The following RNLS variants were observed in gnomAD, a reference collection of about 807,000 sequenced individuals.
The protein encoded by RNLS is renalase.
RNLS carries 39 observed loss-of-function variants against 39.8 expected under a neutral mutation model. The observed-to-expected ratio is 0.98, with a 90% CI of 0.76 to 1.28. The LOEUF is 1.28. Among genes scored for constraint, RNLS ranks in the 50% most tolerant of loss-of-function variants. The pLI is 0.00. For missense variants in RNLS, 410 were observed against 413.3 expected, an observed-to-expected ratio of 0.99 and a Z score of 0.07; for synonymous variants, 147 against 150.7, an observed-to-expected ratio of 0.98 and a Z score of 0.18.
At chr10:88,320,593 A>G (rs760652181) in intron 5 of RNLS, among the ~76,000 whole-genome samples, 1 of 150,174 alleles carries the variant, frequency 6.7e-6, no homozygotes, top group Non-Finnish European at 1.5e-5. Flanking sequence ...AAACAACAGA[A>G]TGGAGAAAGA....
chr10:88,253,595 C>T, the RNLS span, among the ~76,000 whole-genome samples: 2 of 152,270 alleles, frequency 1.3e-5, no homozygotes, highest in South Asian at 4.1e-4. Context: ...TCACAATGTT[C>T]CCAATGCCTT....
At chr10:88,176,510 A>G in the RNLS span, among the ~76,000 whole-genome samples, 1 of 152,188 alleles carries the variant, frequency 6.6e-6, no homozygotes, top group South Asian at 2.1e-4. Flanking sequence ...ATTCATTTAC[A>G]TTCAAGGTTC....
chr10:88,308,177 G>T (rs1280288047), intron 6 of RNLS, among the ~76,000 whole-genome samples: 2 of 152,146 alleles, frequency 1.3e-5, no homozygotes, highest in African/African-American at 4.8e-5. Context: ...TAAACACCCT[G>T]GAAGACAACC....
At chr10:88,345,691 C>T (rs911152018) in intron 5 of RNLS, among the ~76,000 whole-genome samples, 1 of 152,120 alleles carries the variant, frequency 6.6e-6, no homozygotes, top group Non-Finnish European at 1.5e-5. Context: ...CTATCTCATT[C>T]AATCTTTATA....
intron 3 of RNLS, among the ~76,000 whole-genome samples, chr10:88,579,633 T>A (rs1350958675): frequency 6.6e-6 from 1 of 152,160 alleles, no homozygotes; most frequent in East Asian, 1.9e-4. Flanking sequence ...GGTATACTCA[T>A]CCAACCTGGG....
At chr10:88,568,608 G>A (rs1849652011) in intron 4 of RNLS, among the ~76,000 whole-genome samples, 1 of 152,110 alleles carries the variant, frequency 6.6e-6, no homozygotes. Flanking sequence ...AAGCAGGGAA[G>A]AGCATAAGAC....
chr10:88,299,574 A>G (rs1398640243), intron 6 of RNLS, among the ~76,000 whole-genome samples: 1 of 152,220 alleles, frequency 6.6e-6, no homozygotes, highest in Non-Finnish European at 1.5e-5. Context: ...GCAGTGAGCC[A>G]AGATTGTGCC....
At chr10:88,551,883 G>C (rs1348905532) in intron 4 of RNLS, among the ~76,000 whole-genome samples, 1 of 152,134 alleles carries the variant, frequency 6.6e-6, no homozygotes, top group South Asian at 2.1e-4. Context: ...ATAAGTTGGA[G>C]CTATTGTTAT....
intron 4 of RNLS, among the ~76,000 whole-genome samples, chr10:88,433,218 T>C (rs1169983596): frequency 6.6e-6 from 1 of 152,032 alleles, no homozygotes; most frequent in African/African-American, 2.4e-5. Context: ...TTCTGTGATG[T>C]CAGTGAATGC....
At chr10:88,266,179 ATGG>A in the RNLS span, among the ~76,000 whole-genome samples, 1 of 152,122 alleles carries the variant, frequency 6.6e-6, no homozygotes, top group African/African-American at 2.4e-5. Flanking sequence ...GGTCCTTAGG[ATGG>A]GCAGGCCAGT....
intron 6 of RNLS, among the ~76,000 whole-genome samples, chr10:88,286,936 G>T (rs1409909514): frequency 6.6e-6 from 1 of 151,674 alleles, no homozygotes; most frequent in African/African-American, 2.4e-5. Context: ...GACTGTAAGT[G>T]CACACCACCA....
At chr10:88,501,019 C>CTCTG (rs145887409) in intron 4 of RNLS, among the ~76,000 whole-genome samples, 1 of 150,006 alleles carries the variant, frequency 6.7e-6, no homozygotes, top group African/African-American at 2.4e-5. Flanking sequence ...ATATATATCT[C>CTCTG]TGTGTGTGTG....
the RNLS span, among the ~76,000 whole-genome samples, chr10:88,233,336 T>C: frequency 6.1e-4 from 93 of 152,318 alleles, no homozygotes; most frequent in Middle Eastern, 3.4e-3. Flanking sequence ...GGGCAGAATG[T>C]TCACTGAATG....
chr10:88,514,254 G>T (rs946726534), intron 4 of RNLS, among the ~76,000 whole-genome samples: 32 of 151,854 alleles, frequency 2.1e-4, no homozygotes, highest in African/African-American at 7.3e-4. Flanking sequence ...AAAGAGAAGG[G>T]CAAAGAGCCG....
intron 6 of RNLS, among the ~76,000 whole-genome samples, chr10:88,295,794 A>T (rs1291295536): frequency 1.3e-5 from 2 of 152,188 alleles, no homozygotes; most frequent in Non-Finnish European, 2.9e-5. Context: ...TGCAAAGGAC[A>T]TACTTTGCTG....
In RNLS at chr10:88,581,601, A is replaced by G. The variant is rs1355617727; in HGVS notation, c.333T>C (p.Ile111=). Residue 111 remains isoleucine, a synonymous_variant, in exon 3 of 7, where the codon ATT becomes ATC. Transcript: ENST00000331772. ...TCAAGTAATGCTTAATAATTGAAGA[A>G]ATTCCTTGAGGTGCCACAAAGTTAC... ...GDCNFVAPQG[I]SSIIKHYLKE... The G allele has an allele frequency of 6.2e-7, 1 of 1,605,900 alleles. No individual in the cohort carries two copies. The highest frequency in any genetic ancestry group is 8.5e-7 in the Non-Finnish European group (1 of 1,176,482).
chr10:88,350,621 C>T (rs1848622771), intron 5 of RNLS, among the ~76,000 whole-genome samples: 1 of 152,104 alleles, frequency 6.6e-6, no homozygotes, highest in Non-Finnish European at 1.5e-5. Flanking sequence ...TTTCTTAATC[C>T]AGTCTATCAT....
intron 6 of RNLS, among the ~76,000 whole-genome samples, chr10:88,306,072 A>G (rs1457853262): frequency 6.6e-6 from 1 of 152,220 alleles, no homozygotes; most frequent in Non-Finnish European, 1.5e-5. Context: ...CTGCTCCTGA[A>G]TAACATCTGG....
At chr10:88,275,127 G>A (rs779769896) in intron 6 of RNLS, 151 of 963,760 alleles carry the variant, frequency 1.6e-4, no homozygotes, top group Non-Finnish European at 2.0e-4. Context: ...TTGCTTTCAC[G>A]GAACATATAT....
Sources: gnomAD v4.1 joint callset for allele counts (sites outside exome capture counted in the v4.1 genomes callset) on GRCh38, gnomAD v4.1.1 for gene constraint, MANE v1.5 for transcripts, NCBI Gene and HGNC (gene_info 2026-07-23, HGNC 2026-07-21) for gene names.